Variants in MYO16 observed in about 807,000 individuals in gnomAD.
MYO16 encodes unconventional myosin-XVI.
Under a neutral mutation model 205.3 loss-of-function variants are expected in MYO16, and 94 were observed. The ratio of observed to expected loss-of-function variants is 0.46; its 90% CI spans 0.39 to 0.54. The LOEUF is 0.54. MYO16 is among the 20% of genes least tolerant of loss of function. MYO16 has a pLI of 0.00. For missense variants in MYO16, 2,315 were observed against 2,387.5 expected (o/e 0.97, Z 0.63); for synonymous variants, 988 against 954.0 (o/e 1.04, Z -0.66).
At chr13:108,978,535 AT>A (rs1280349935) in intron 20 of MYO16, among the ~76,000 whole-genome samples, 1 of 151,686 alleles carries the variant, frequency 6.6e-6, no homozygotes, top group African/African-American at 2.4e-5. Flanking sequence ...ATTGATGTTT[AT>A]TTTTTGATGT....
At chr13:108,979,432 G>T (rs1038727588) in intron 20 of MYO16, among the ~76,000 whole-genome samples, 2 of 151,998 alleles carry the variant, frequency 1.3e-5, no homozygotes, top group Non-Finnish European at 2.9e-5. Flanking sequence ...AAAATAACAA[G>T]CAGTTTGTCA....
intron 5 of MYO16, among the ~76,000 whole-genome samples, chr13:108,791,233 T>C (rs1886607377): frequency 6.6e-6 from 1 of 152,240 alleles, no homozygotes; most frequent in South Asian, 2.1e-4. Flanking sequence ...GGTGTTTCTA[T>C]TTCATGTTTC....
At chr13:109,195,021 A>G (rs755958483) in intron 34 of MYO16, among the ~76,000 whole-genome samples, 1 of 151,910 alleles carries the variant, frequency 6.6e-6, no homozygotes, top group Non-Finnish European at 1.5e-5. Flanking sequence ...CTATGTGTGG[A>G]GAGGTTAAAA....
At chr13:109,203,891 T>C (rs1210912008) in intron 34 of MYO16, among the ~76,000 whole-genome samples, 9 of 152,340 alleles carry the variant, frequency 5.9e-5, no homozygotes, top group Middle Eastern at 3.4e-3. Context: ...CTGTGGACGA[T>C]GGCTGTGCAT....
intron 23 of MYO16, among the ~76,000 whole-genome samples, chr13:109,033,579 A>G (rs1037950015): frequency 6.6e-6 from 1 of 152,208 alleles, no homozygotes; most frequent in African/African-American, 2.4e-5. Context: ...GAGGTCCATC[A>G]GGATTCCATC....
chr13:108,650,007 A>AAAAT (rs1427577806), intron 1 of MYO16, among the ~76,000 whole-genome samples: 1 of 152,228 alleles, frequency 6.6e-6, no homozygotes, highest in African/African-American at 2.4e-5. Flanking sequence ...AGTGAAAAGA[A>AAAAT]AAATAAAACA....
intron 16 of MYO16, among the ~76,000 whole-genome samples, chr13:108,918,178 CT>C (rs1881583394): frequency 6.6e-6 from 1 of 152,186 alleles, no homozygotes; most frequent in Non-Finnish European, 1.5e-5. Flanking sequence ...CTTCTCCTTT[CT>C]TTTTCATATT....
chr13:109,123,688 C>T (rs1876105777), intron 29 of MYO16, among the ~76,000 whole-genome samples: 1 of 152,112 alleles, frequency 6.6e-6, no homozygotes, highest in South Asian at 2.1e-4. Flanking sequence ...TTTAGTAGTG[C>T]CATCTGAAAA....
the MYO16 span, among the ~76,000 whole-genome samples, chr13:108,589,029 G>A: frequency 6.6e-6 from 1 of 152,206 alleles, no homozygotes. Context: ...TCGTGGAATA[G>A]ACATTAGAAT....
At chr13:109,046,820 T>G in intron 23 of MYO16, 96 bp from the exon 24 acceptor site, 1 of 1,014,566 alleles carries the variant, frequency 9.9e-7, no homozygotes, top group South Asian at 1.4e-5. Context: ...TTATGAATAT[T>G]TGAAAACTTC....
At chr13:109,109,756 G>A (rs1049544803) in intron 28 of MYO16, among the ~76,000 whole-genome samples, 9 of 151,684 alleles carry the variant, frequency 5.9e-5, no homozygotes, top group Non-Finnish European at 7.4e-5. Context: ...TCTAGATGAT[G>A]GAAAAGACTC....
intron 25 of MYO16, among the ~76,000 whole-genome samples, chr13:109,054,147 C>G (rs12430768): frequency 6.6e-6 from 1 of 151,838 alleles, no homozygotes; most frequent in Non-Finnish European, 1.5e-5. Context: ...AATTACCTTC[C>G]GCCCTTTATT....
chr13:108,625,164 A>C (rs1879686254), upstream of MYO16, among the ~76,000 whole-genome samples: 2 of 152,032 alleles, frequency 1.3e-5, no homozygotes, highest in African/African-American at 4.8e-5. Flanking sequence ...CCCACATCTA[A>C]CTTGAATGTC....
At chr13:109,111,443 C>A (rs1485007651) in intron 28 of MYO16, among the ~76,000 whole-genome samples, 2 of 152,118 alleles carry the variant, frequency 1.3e-5, no homozygotes, top group East Asian at 1.9e-4. Flanking sequence ...GGGCATTTTT[C>A]CAGAATACTG....
intron 21 of MYO16, among the ~76,000 whole-genome samples, chr13:109,003,283 AT>A (rs1885276909): frequency 6.6e-6 from 1 of 152,162 alleles, no homozygotes; most frequent in African/African-American, 2.4e-5. Context: ...GAAGCTGGAA[AT>A]TTCTCTACGG....
intron 15 of MYO16, among the ~76,000 whole-genome samples, chr13:108,901,327 CAG>C (rs925721613): frequency 4.6e-5 from 7 of 152,148 alleles, no homozygotes; most frequent in African/African-American, 1.7e-4. Context: ...TTTTACGGCT[CAG>C]GGGGCATCAC....
At position 109,022,238 on chromosome 13, in the gene MYO16, T is replaced by C. The variant is rs1289561641; in HGVS notation, c.2796+2327T>C. ...TATATTTATATATTATATATATGTATATATTTATATATACAAATATATATA... is the reference window on the plus strand; with the variant it reads ...TATATTTATATATTATATATATGTACATATTTATATATACAAATATATATA... On this transcript the variant is annotated intron_variant, in intron 23 of 34. Coordinates refer to ENST00000457511, the MANE Select transcript of MYO16 (RefSeq NM_001198950.3). Among the ~76,000 whole-genome samples the C allele has an allele frequency of 3.0e-5, 4 of 131,284 alleles. 1 individual carries two copies. The highest frequency in any genetic ancestry group is 6.1e-5 in the African/African-American group (2 of 32,678). The allele number at this position is 131,284 out of a possible 152,430, so 86.1% of individuals were successfully genotyped here. A position where few individuals can be genotyped will look rare whatever the true frequency, so the allele number is the denominator to read the frequency against.
chr13:109,158,923 A>T (rs1318243630), intron 32 of MYO16, among the ~76,000 whole-genome samples: 1 of 152,198 alleles, frequency 6.6e-6, no homozygotes, highest in Non-Finnish European at 1.5e-5. Context: ...CCCTTCACGT[A>T]ACTACGGGTC....
rs975380425 is a variant in MYO16, at chr13:109,122,933, AT to A, written c.3536-2174del. ...CCAGTTGTTGTTTTAAGAATTCTAT[AT>A]TTTTCTTTAAAAATGTCCAGGGGAA... On this transcript the variant is annotated intron_variant, in intron 29 of 34. Transcript: ENST00000457511. 1.6e-4 allele frequency among the ~76,000 whole-genome samples: 25 copies of A among 152,112 alleles called. 1 individual carries two copies. Among genetic ancestry groups the A allele is most frequent in the Non-Finnish European group, 3.2e-4 (22 of 68,020 alleles).
Sources: gnomAD v4.1 joint callset for allele counts (sites outside exome capture counted in the v4.1 genomes callset) on GRCh38, gnomAD v4.1.1 for gene constraint, MANE v1.5 for transcripts, NCBI Gene and HGNC (gene_info 2026-07-23, HGNC 2026-07-21) for gene names.